RBFOX1: variants seen among roughly 807,000 people sequenced by gnomAD.
RBFOX1 encodes the protein RNA binding protein fox-1 homolog 1.
Under a neutral mutation model 57.7 loss-of-function variants are expected in RBFOX1, and 8 were observed. The observed-to-expected ratio is 0.14, with a 90% confidence interval of 0.08 to 0.25. The LOEUF (loss-of-function observed/expected upper bound fraction) is 0.25, where lower values mean the gene tolerates loss of function less well. RBFOX1 is among the 10% of genes least tolerant of loss of function. The probability of loss-of-function intolerance (pLI) is 1.00; values close to 1 mark genes in which losing one functional copy is unlikely to be tolerated. For missense variants in RBFOX1, 611 were observed against 548.5 expected, an observed-to-expected ratio of 1.11 and a Z score of -1.14; for synonymous variants, 326 against 222.4, an observed-to-expected ratio of 1.47 and a Z score of -4.15.
At chr16:6,877,680 G>A (rs947648525) in intron 3 of RBFOX1, among the ~76,000 whole-genome samples, 1 of 152,134 alleles carries the variant, frequency 6.6e-6, no homozygotes, top group Admixed American at 6.5e-5. Flanking sequence ...AGCAAGGATT[G>A]CTATTCTCTG....
At chr16:5,349,358 TAAC>T (rs2065211320) in intron 1 of RBFOX1, among the ~76,000 whole-genome samples, 2 of 152,282 alleles carry the variant, frequency 1.3e-5, no homozygotes, top group African/African-American at 2.4e-5. Context: ...TTCCCATAGT[TAAC>T]AACACCATGC....
chr16:6,000,194 C>T (rs140706445), intron 4 of RBFOX1, among the ~76,000 whole-genome samples: 3 of 152,256 alleles, frequency 2.0e-5, no homozygotes, highest in African/African-American at 4.8e-5. Flanking sequence ...CCTCTTAGGG[C>T]AGTACCTGGA....
At chr16:7,586,327 G>C (rs554867465) in intron 6 of RBFOX1, among the ~76,000 whole-genome samples, 1 of 152,148 alleles carries the variant, frequency 6.6e-6, no homozygotes, top group African/African-American at 2.4e-5. Context: ...TGGGGGAAAG[G>C]ATTTCAGATG....
rs536851180 is a variant in RBFOX1, at chr16:6,094,141, A to G, written c.-127+74149A>G. Reference sequence around the variant, plus strand: ...ACTGTGAAATAGATTTCCAGTTTTGACCTGAGCTTTGTCCCAAGGACTCAT... The same window carrying G: ...ACTGTGAAATAGATTTCCAGTTTTGGCCTGAGCTTTGTCCCAAGGACTCAT... On this transcript the variant is annotated intron_variant, in intron 1 of 15. Coordinates refer to ENST00000550418, the MANE Select transcript of RBFOX1 (RefSeq NM_018723.4). Among the ~76,000 whole-genome samples the G allele has an allele frequency of 3.1e-4, 47 of 152,260 alleles. No homozygotes were observed. In the South Asian group the frequency reaches 3.3e-3, roughly 11 times the overall value.
At chr16:6,106,129 T>C (rs1451983091) in intron 1 of RBFOX1, among the ~76,000 whole-genome samples, 1 of 152,060 alleles carries the variant, frequency 6.6e-6, no homozygotes, top group African/African-American at 2.4e-5. Context: ...ATATTAAGGA[T>C]TGAAATTGTC....
intron 3 of RBFOX1, among the ~76,000 whole-genome samples, chr16:5,700,093 A>C (rs960945345): frequency 6.6e-6 from 1 of 152,130 alleles, no homozygotes; most frequent in African/African-American, 2.4e-5. Context: ...TGGCCTCCCA[A>C]AGTGCTGGGA....
At chr16:5,959,160 C>A (rs987099901) in intron 4 of RBFOX1, among the ~76,000 whole-genome samples, 2 of 152,172 alleles carry the variant, frequency 1.3e-5, no homozygotes, top group African/African-American at 4.8e-5. Flanking sequence ...CCATCCTGTT[C>A]CAGTGAGCAC....
chr16:5,901,788 G>A (rs1464074907), intron 4 of RBFOX1, among the ~76,000 whole-genome samples: 1 of 152,172 alleles, frequency 6.6e-6, no homozygotes, highest in Admixed American at 6.5e-5. Context: ...GAGCTTTTCT[G>A]TATCTTTTCT....
intron 3 of RBFOX1, among the ~76,000 whole-genome samples, chr16:5,791,127 T>A (rs1254611171): frequency 3.3e-5 from 5 of 152,096 alleles, no homozygotes; most frequent in Non-Finnish European, 7.4e-5. Context: ...GTTGGTCTCC[T>A]AAAGTGCTGG....
chr16:6,689,575 T>C (rs1414307963), intron 3 of RBFOX1, among the ~76,000 whole-genome samples: 1 of 152,186 alleles, frequency 6.6e-6, no homozygotes, highest in East Asian at 1.9e-4. Flanking sequence ...CCTCAGCCTG[T>C]CTATGACAAT....
At chr16:6,876,693 A>C (rs2153300134) in intron 3 of RBFOX1, among the ~76,000 whole-genome samples, 1 of 152,256 alleles carries the variant, frequency 6.6e-6, no homozygotes, top group South Asian at 2.1e-4. Flanking sequence ...CTGGAACCAA[A>C]GAAGTTGTTA....
chr16:5,855,976 C>CTTTTTTTTTTTTTTTTT (rs1160702604), intron 3 of RBFOX1, among the ~76,000 whole-genome samples: 5 of 77,706 alleles, frequency 6.4e-5, no homozygotes, highest in Non-Finnish European at 1.0e-4. Flanking sequence ...GTATGTTATT[C>CTTTTTTTTTTTTTTTTT]TTTTTTTTTT....
At chr16:7,337,477 C>T (rs759697938) in intron 4 of RBFOX1, among the ~76,000 whole-genome samples, 1 of 152,204 alleles carries the variant, frequency 6.6e-6, no homozygotes, top group South Asian at 2.1e-4. Context: ...AGAGCCTTGG[C>T]GTCTTTTCCA....
chr16:6,066,442 C>T (rs2343571), intron 1 of RBFOX1, among the ~76,000 whole-genome samples: 1 of 152,114 alleles, frequency 6.6e-6, no homozygotes, highest in East Asian at 1.9e-4. Flanking sequence ...AAGGGAAAAA[C>T]CCTTTGTTCA....
chr16:5,423,271 C>G (rs1380327587), intron 1 of RBFOX1, among the ~76,000 whole-genome samples: 1 of 152,066 alleles, frequency 6.6e-6, no homozygotes, highest in African/African-American at 2.4e-5. Flanking sequence ...AGGAAAGTGA[C>G]ATTGGTGCCA....
chr16:7,388,264 T>A (rs2097918180), intron 4 of RBFOX1, among the ~76,000 whole-genome samples: 1 of 152,192 alleles, frequency 6.6e-6, no homozygotes, highest in African/African-American at 2.4e-5. Flanking sequence ...ATCCATGATG[T>A]GTTCGGGAAA....
At chr16:6,515,153 C>T (rs759214757) in intron 2 of RBFOX1, among the ~76,000 whole-genome samples, 1 of 152,126 alleles carries the variant, frequency 6.6e-6, no homozygotes, top group Non-Finnish European at 1.5e-5. Context: ...TGTGGTCAGA[C>T]CTTGACATTT....
chr16:7,302,238 G>A (rs559259883), intron 4 of RBFOX1, among the ~76,000 whole-genome samples: 1 of 152,280 alleles, frequency 6.6e-6, no homozygotes, highest in South Asian at 2.1e-4. Context: ...CAGCGGGTTG[G>A]GGCCTAGTGT....
intron 4 of RBFOX1, among the ~76,000 whole-genome samples, chr16:7,334,860 C>G (rs961035521): frequency 6.6e-5 from 10 of 152,176 alleles, no homozygotes; most frequent in African/African-American, 2.4e-4. Context: ...ACTTGTAAAT[C>G]TTAGCCTGAT....
Sources: allele counts gnomAD v4.1 joint callset (sites outside exome capture counted in the v4.1 genomes callset), GRCh38; gene constraint gnomAD v4.1.1; transcripts MANE v1.5; gene names NCBI Gene and HGNC (gene_info 2026-07-23, HGNC 2026-07-21).